USP31: variants seen among roughly 807,000 people sequenced by gnomAD.
USP31 encodes the protein ubiquitin specific peptidase 31.
In USP31, 44 loss-of-function variants were observed where a neutral mutation model predicts 119.4. The observed-to-expected ratio is 0.37, with a 90% CI of 0.29 to 0.47. The LOEUF (loss-of-function observed/expected upper bound fraction) is 0.47, where lower values mean the gene tolerates loss of function less well. Among genes scored for constraint, USP31 ranks in the 20% least tolerant of loss-of-function variants. The pLI, the probability that USP31 is intolerant of heterozygous loss-of-function variation, is 0.99. For missense variants in USP31, 1,643 were observed against 1,730.2 expected (o/e 0.95, Z 0.89); for synonymous variants, 749 against 705.6 (o/e 1.06, Z -0.97).
At chr16:23,070,696 G>C (rs1387949048) in intron 15 of USP31, among the ~76,000 whole-genome samples, 1 of 147,422 alleles carries the variant, frequency 6.8e-6, no homozygotes, top group Non-Finnish European at 1.5e-5. Context: ...CCGGGAGACA[G>C]AGACAGACTC....
chr16:23,077,627 G>A (rs1365455111), intron 13 of USP31, among the ~76,000 whole-genome samples: 4 of 152,214 alleles, frequency 2.6e-5, no homozygotes, highest in Admixed American at 6.5e-5. Flanking sequence ...ACTAGCACTC[G>A]GGGTCTTGTT....
chr16:23,148,998 G>A lies in USP31; in HGVS notation c.273C>T (p.Arg91=). The change falls in exon 1 of 16, where the codon CGC becomes CGT. Residue 91 remains arginine, a synonymous_variant. Coordinates refer to ENST00000219689, the MANE Select transcript of USP31 (RefSeq NM_020718.4). ...CGGCCGGCCCGGGCGGGAAGCAGCT[G>A]CGGAGGCCGCCGCGGTCTGGGGCGG... The part of the protein sequence containing the change: ...EGAAPDRGGL[R]SCFPPGPAAA... 1.0e-5 allele frequency: 11 copies of A among 1,082,374 alleles called. No homozygotes were observed. The highest frequency in any genetic ancestry group is 3.5e-5 in the South Asian group (1 of 28,710). 67.0% of individuals were successfully genotyped at this position (1,082,374 alleles called of 1,614,324 possible).
intron 7 of USP31, among the ~76,000 whole-genome samples, chr16:23,088,434 G>T (rs953262841): frequency 6.6e-6 from 1 of 152,154 alleles, no homozygotes; most frequent in African/African-American, 2.4e-5. Context: ...AATCAGTCTG[G>T]AATATGATCT....
chr16:23,126,629 A>AG (rs1350268141), intron 1 of USP31, among the ~76,000 whole-genome samples: 1 of 150,410 alleles, frequency 6.6e-6, no homozygotes, highest in African/African-American at 2.4e-5. Context: ...TCTGTCTCAA[A>AG]AAAAAAAAAA....
chr16:23,134,397 T>A (rs928595720), intron 1 of USP31, among the ~76,000 whole-genome samples: 1 of 152,208 alleles, frequency 6.6e-6, no homozygotes, highest in Non-Finnish European at 1.5e-5. Flanking sequence ...CCAGGCCCCC[T>A]GCCAAGTTTT....
intron 1 of USP31, among the ~76,000 whole-genome samples, chr16:23,136,655 A>C (rs1903201705): frequency 6.7e-6 from 1 of 149,634 alleles, no homozygotes; most frequent in Admixed American, 6.7e-5. Flanking sequence ...CTTCATCTCA[A>C]AAAAAAAAAA....
intron 6 of USP31, among the ~76,000 whole-genome samples, chr16:23,093,815 T>G (rs766032202): frequency 3.9e-5 from 6 of 152,138 alleles, no homozygotes; most frequent in Non-Finnish European, 5.9e-5. Context: ...AAACAAAATG[T>G]GGTACATGCA....
chr16:23,081,466 C>T lies in USP31; in HGVS notation c.1950+972G>A, dbSNP rs1596691476. Among the ~76,000 whole-genome samples the T allele has an allele frequency of 2.0e-5, 3 of 152,186 alleles. No individual in the cohort carries two copies. The East Asian group carries it at 5.8e-4, about 29-fold the overall frequency. ...CTCCGCCTCCTCAGACAGTCCTCAA[C>T]ATCTCTCCGTCTCTACTGCCACAAC... On this transcript the variant is annotated intron_variant, in intron 12 of 15. Coordinates refer to ENST00000219689, the MANE Select transcript of USP31 (RefSeq NM_020718.4).
chr16:23,092,781 A>C (rs1901426354), intron 6 of USP31, among the ~76,000 whole-genome samples: 1 of 152,336 alleles, frequency 6.6e-6, no homozygotes, highest in South Asian at 2.1e-4. Flanking sequence ...CTGAATTGTA[A>C]GCTGGCATTG....
chr16:23,076,910 T>G (rs1175054052), intron 13 of USP31, among the ~76,000 whole-genome samples: 1 of 152,176 alleles, frequency 6.6e-6, no homozygotes. Flanking sequence ...TCCACAAGTA[T>G]AGAATTCCAT....
intron 6 of USP31, among the ~76,000 whole-genome samples, chr16:23,097,894 T>A (rs1901682370): frequency 6.6e-6 from 1 of 152,154 alleles, no homozygotes; most frequent in Non-Finnish European, 1.5e-5. Flanking sequence ...CTGGAAGCAT[T>A]CCCTTTGAAA....
intron 7 of USP31, 130 bp downstream of exon 7, chr16:23,090,494 T>C (rs1901308232): frequency 5.1e-6 from 5 of 989,396 alleles, no homozygotes; most frequent in Non-Finnish European, 7.1e-6. Flanking sequence ...TGTACATGTA[T>C]TCTTTCTAAA....
At chr16:23,091,525 G>T (rs1317093878) in intron 6 of USP31, among the ~76,000 whole-genome samples, 2 of 152,052 alleles carry the variant, frequency 1.3e-5, no homozygotes, top group Non-Finnish European at 2.9e-5. Context: ...GAAAATAGAA[G>T]AAACCCCTCC....
At chr16:23,116,570 C>G (rs1285688483) in intron 1 of USP31, among the ~76,000 whole-genome samples, 1 of 152,182 alleles carries the variant, frequency 6.6e-6, no homozygotes. Flanking sequence ...CTTCTGTGCC[C>G]TTCATCCATT....
intron 1 of USP31, among the ~76,000 whole-genome samples, chr16:23,132,157 C>T (rs1272934853): frequency 2.0e-5 from 3 of 152,148 alleles, no homozygotes; most frequent in Non-Finnish European, 2.9e-5. Context: ...GATATCCCGA[C>T]GTGCTCCACT....
At chr16:23,106,332 G>A in intron 3 of USP31, 27 bp from the exon 4 acceptor site, 1 of 1,613,640 alleles carries the variant, frequency 6.2e-7, no homozygotes, top group Non-Finnish European at 8.5e-7. Context: ...TAAGACGCTT[G>A]ACATTAAAAT....
intron 1 of USP31, among the ~76,000 whole-genome samples, chr16:23,136,051 A>G (rs1284039192): frequency 6.6e-6 from 1 of 152,214 alleles, no homozygotes; most frequent in Non-Finnish European, 1.5e-5. Flanking sequence ...ACCCTCGCAT[A>G]TATGATCAAT....
In USP31 at chr16:23,069,391, T is replaced by A; in HGVS notation, c.2714A>T (p.Asp905Val). The A allele has an allele frequency of 6.2e-7, 1 of 1,611,502 alleles. No homozygotes were observed. Among genetic ancestry groups the A allele is most frequent in the Non-Finnish European group, 8.5e-7 (1 of 1,177,908 alleles). Residue 905 changes from aspartate to valine, a missense_variant, in exon 16 of 16, where the codon GAC becomes GTC. Physicochemically the swap from Asp to Val is radical, Grantham distance 152 (BLOSUM62 -3). Around this residue, in one of 5 missense-constraint regions of USP31, gnomAD observed 699 missense variants for 650.9 expected, o/e 1.07. Coordinates refer to ENST00000219689, the MANE Select transcript of USP31 (RefSeq NM_020718.4). Reference protein sequence around the residue: ...TLEKIGEAADDKVSISCFGSL... With the variant: ...TLEKIGEAADVKVSISCFGSL... ...ACCAAAGCAAGAGATGGAGACCTTG[T>A]CATCTGCTGCCTCCCCAATCTTCTC...
In USP31 at chr16:23,126,439, A is replaced by G. The variant is rs541592604; in HGVS notation, c.634-18256T>C. Among the ~76,000 whole-genome samples, 159 of 151,068 alleles carry G rather than the reference A, an allele frequency of 1.1e-3. 1 individual carries two copies. The highest frequency in any genetic ancestry group is 3.6e-3 in the African/African-American group (149 of 41,174). On this transcript the variant is annotated intron_variant, in intron 1 of 15. Coordinates refer to ENST00000219689, the MANE Select transcript of USP31 (RefSeq NM_020718.4). ...GGAGATGGAGACCATCCTGGCTAAC[A>G]TGGTGAAACCTCGTCTCTACTTAAA...
Sources: gnomAD v4.1 joint callset for allele counts (sites outside exome capture counted in the v4.1 genomes callset) on GRCh38, gnomAD v4.1.1 for gene constraint, gnomAD v4.1.1 regional missense constraint, MANE v1.5 for transcripts, NCBI Gene and HGNC (gene_info 2026-07-23, HGNC 2026-07-21) for gene names.